LGR4: variants seen among roughly 807,000 people sequenced by gnomAD.
LGR4 encodes the protein leucine rich repeat containing G protein-coupled receptor 4, also known as leucine-rich repeat-containing G protein-coupled receptor 4.
In LGR4, 44 loss-of-function variants were observed where a neutral mutation model predicts 84.8. The observed-to-expected ratio is 0.52, with a 90% confidence interval of 0.41 to 0.67. LGR4 has a LOEUF of 0.67. Among genes scored for constraint, LGR4 ranks in the 30% least tolerant of loss-of-function variants. The pLI is 0.00. For missense variants in LGR4, 1,032 were observed against 1,131.4 expected (o/e 0.91, Z 1.26); for synonymous variants, 429 against 434.3 (o/e 0.99, Z 0.15).
chr11:27,432,995 AT>A (rs1864139472), intron 1 of LGR4, among the ~76,000 whole-genome samples: 1 of 152,200 alleles, frequency 6.6e-6, no homozygotes, highest in South Asian at 2.1e-4. Context: ...AACATGACAA[AT>A]TTTATGATTT....
intron 2 of LGR4, among the ~76,000 whole-genome samples, chr11:27,406,524 A>G (rs1205564499): frequency 6.6e-6 from 1 of 152,180 alleles, no homozygotes; most frequent in Non-Finnish European, 1.5e-5. Flanking sequence ...AAAATAAAAC[A>G]AAACAATGTT....
chr11:27,384,197 G>A (rs1863147247), intron 6 of LGR4, 139 bp downstream of exon 6: 5 of 612,164 alleles, frequency 8.2e-6, no homozygotes, highest in Non-Finnish European at 1.4e-5. Flanking sequence ...TTATTTGATA[G>A]CAAGAATTTA....
In LGR4 at chr11:27,368,532, T is replaced by G. The variant is rs1157030509; in HGVS notation, c.2191A>C (p.Asn731His). ...MAVIYTKLYC[N>H]LEKEDLSENS... ...TCTGAGAGGTCCTCTTTTTCCAAGT[T>G]GCAGTATAGTTTAGTGTAGATAACG... Residue 731 changes from asparagine (N) to histidine (H), a missense_variant, in exon 18 of 18, where the codon AAC (asparagine) becomes CAC (histidine). Physicochemically the swap from Asn to His is moderately conservative, Grantham distance 68. Coordinates refer to ENST00000379214, the MANE Select transcript of LGR4 (RefSeq NM_018490.5). 1 of 1,614,038 alleles carries G rather than the reference T, an allele frequency of 6.2e-7. No individual in the cohort carries two copies. Among genetic ancestry groups the G allele is most frequent in the Non-Finnish European group, 8.5e-7 (1 of 1,179,996 alleles).
rs771062877 is a variant in LGR4 at position 27,368,896 on chromosome 11, G to C, written c.1827C>G (p.Gly609=). The change falls in exon 18 of 18, where the codon GGC becomes GGG. Residue 609 remains glycine (G), a synonymous_variant. Transcript: ENST00000379214. ...AGCCACTGCCAGTTTCCCACCAAAT[G>C]CCAAATTCAGCGAATCTGCCCCAGG... ...AVSWGRFAEF[G]IWWETGSGCK... is the part of the protein sequence containing the mutation. 6.2e-6 allele frequency: 10 copies of C among 1,613,992 alleles called. No homozygotes were observed. The highest frequency in any genetic ancestry group is 2.2e-5 in the South Asian group (2 of 91,094).
intron 1 of LGR4, among the ~76,000 whole-genome samples, chr11:27,428,380 C>T (rs1864060002): frequency 6.6e-6 from 1 of 152,200 alleles, no homozygotes; most frequent in Non-Finnish European, 1.5e-5. Flanking sequence ...CTTGAGTGAT[C>T]TGCCTGCCTC....
chr11:27,383,691 C>G (rs1863140280), intron 6 of LGR4, among the ~76,000 whole-genome samples: 1 of 152,144 alleles, frequency 6.6e-6, no homozygotes, highest in Non-Finnish European at 1.5e-5. Flanking sequence ...GAATCATTTA[C>G]TCATCACAAC....
At chr11:27,436,308 A>G (rs1356878971) in intron 1 of LGR4, among the ~76,000 whole-genome samples, 1 of 150,390 alleles carries the variant, frequency 6.6e-6, no homozygotes, top group Non-Finnish European at 1.5e-5. Flanking sequence ...ACTACACCAT[A>G]ATGCAAAGAA....
Position 27,366,108 on chromosome 11 carries a change from A to G in LGR4, c.*1759T>C, listed in dbSNP as rs922450458. On this transcript the variant is annotated 3_prime_UTR_variant, in exon 18 of 18. Coordinates refer to ENST00000379214, the MANE Select transcript of LGR4 (RefSeq NM_018490.5). ...AAGTTTTCAATAACCTGAATTTTGGAAAAAACCTTTTAATTAGGAGTTTCT... is the reference window on the plus strand; with the variant it reads ...AAGTTTTCAATAACCTGAATTTTGGGAAAAACCTTTTAATTAGGAGTTTCT... 3.0e-4 allele frequency: 46 copies of G among 152,656 alleles called. No individual in the cohort carries two copies. The highest frequency in any genetic ancestry group is 1.1e-3 in the African/African-American group (45 of 41,576). The allele number at this position is 152,656 out of a possible 1,614,324, so 9.5% of individuals were successfully genotyped here.
chr11:27,459,952 G>A (rs1238486986), intron 1 of LGR4, among the ~76,000 whole-genome samples: 3 of 152,066 alleles, frequency 2.0e-5, no homozygotes, highest in Non-Finnish European at 4.4e-5. Flanking sequence ...TCAGCCAAGT[G>A]TGATGACATG....
chr11:27,446,770 G>A (rs1367440720), intron 1 of LGR4, among the ~76,000 whole-genome samples: 1 of 152,052 alleles, frequency 6.6e-6, no homozygotes, highest in African/African-American at 2.4e-5. Flanking sequence ...CAATAGCAAA[G>A]ACTTGGAACC....
At chr11:27,396,087 C>A (rs558428639) in intron 2 of LGR4, among the ~76,000 whole-genome samples, 2 of 152,238 alleles carry the variant, frequency 1.3e-5, no homozygotes, top group Admixed American at 6.5e-5. Flanking sequence ...TTTTCTGAGT[C>A]CCTGAGTGGT....
chr11:27,469,251 C>A (rs1864829567), intron 1 of LGR4, among the ~76,000 whole-genome samples: 1 of 152,142 alleles, frequency 6.6e-6, no homozygotes, highest in South Asian at 2.1e-4. Context: ...GCGGCTTTCA[C>A]CAGGAAATAG....
intron 1 of LGR4, among the ~76,000 whole-genome samples, chr11:27,440,719 G>A (rs978988477): frequency 6.6e-6 from 1 of 152,192 alleles, no homozygotes; most frequent in African/African-American, 2.4e-5. Flanking sequence ...ACATGGAACT[G>A]TCTGAAAGGG....
chr11:27,374,067 T>A (rs756965978), intron 13 of LGR4, 21 bp from the exon 14 acceptor site: 2 of 1,524,586 alleles, frequency 1.3e-6, no homozygotes, highest in Admixed American at 3.3e-5. Context: ...AAGAGTAACA[T>A]GTTAATCTTT....
At chr11:27,461,402 C>A (rs1864677974) in intron 1 of LGR4, among the ~76,000 whole-genome samples, 1 of 151,362 alleles carries the variant, frequency 6.6e-6, no homozygotes, top group Non-Finnish European at 1.5e-5. Context: ...AAAATAAATA[C>A]TTTCAAAATA....
intron 13 of LGR4, among the ~76,000 whole-genome samples, chr11:27,375,464 A>C (rs1362696144): frequency 1.3e-5 from 2 of 152,288 alleles, no homozygotes; most frequent in Non-Finnish European, 2.9e-5. Context: ...AGTCAAATAC[A>C]AATGATTTTT....
At chr11:27,455,522 C>T (rs1400127137) in intron 1 of LGR4, among the ~76,000 whole-genome samples, 1 of 152,126 alleles carries the variant, frequency 6.6e-6, no homozygotes, top group African/African-American at 2.4e-5. Flanking sequence ...CCCCATGGAA[C>T]GACATAGCCT....
intron 1 of LGR4, among the ~76,000 whole-genome samples, chr11:27,424,939 G>A (rs1053638955): frequency 1.3e-5 from 2 of 152,066 alleles, no homozygotes; most frequent in African/African-American, 4.8e-5. Context: ...GTAGAGACGG[G>A]GTTTCACCAT....
At chr11:27,450,617 C>T (rs1864466562) in intron 1 of LGR4, among the ~76,000 whole-genome samples, 1 of 152,040 alleles carries the variant, frequency 6.6e-6, no homozygotes, top group African/African-American at 2.4e-5. Context: ...GGAGAAACCT[C>T]ATCTCTAATA....
Sources: allele counts gnomAD v4.1 joint callset (sites outside exome capture counted in the v4.1 genomes callset), GRCh38; gene constraint gnomAD v4.1.1; transcripts MANE v1.5; gene names NCBI Gene and HGNC (gene_info 2026-07-23, HGNC 2026-07-21).